The following SPTBN5 variants were observed in gnomAD, a reference collection of about 807,000 sequenced individuals.
SPTBN5 encodes spectrin beta chain, non-erythrocytic 5.
A neutral mutation model predicts 477.6 loss-of-function variants in SPTBN5; 513 were observed. The ratio of observed to expected loss-of-function variants is 1.07; its 90% CI spans 1.00 to 1.16. SPTBN5 has a LOEUF of 1.16. Ranked by LOEUF, SPTBN5 falls within the 50% of genes most tolerant of loss-of-function variation. SPTBN5 has a pLI of 0.00. For synonymous variants in SPTBN5, 2,169 were observed against 2,011.7 expected (o/e 1.08, Z -2.09); for missense variants, 5,062 against 4,731.8 (o/e 1.07, Z -2.05).
intron 53 of SPTBN5, 112 bp downstream of exon 53, chr15:41,856,274 T>G (rs2065926529): frequency 1.0e-6 from 1 of 963,494 alleles, no homozygotes; most frequent in Non-Finnish European, 1.5e-6. Context: ...AGGAGACCAC[T>G]GAGTGGAGGA....
At position 41,887,403 on chromosome 15, in the gene SPTBN5, C is replaced by T. The variant is rs192622598; in HGVS notation, c.698G>A (p.Arg233His). Reference sequence around the variant, plus strand: ...AGCAAAAGCAAGGTTGTGCAGTGGGCGGTCTGGACGCAGGGAGCCGTAGTC... The same window carrying T: ...AGCAAAAGCAAGGTTGTGCAGTGGGTGGTCTGGACGCAGGGAGCCGTAGTC... ...LLDYGSLRPD[R>H]PLHNLAFAFL... The change falls in exon 6 of 68, where the codon CGC (arginine) becomes CAC (histidine). Residue 233 changes from arginine to histidine, a missense_variant. By Grantham distance (29) the Arg-to-His change is conservative. Coordinates refer to ENST00000320955, the MANE Select transcript of SPTBN5 (RefSeq NM_016642.4). 41 of 1,553,762 alleles carry T rather than the reference C, an allele frequency of 2.6e-5. No homozygotes were observed. Among genetic ancestry groups the T allele is most frequent in the East Asian group, 1.2e-4 (5 of 41,198 alleles).
intron 52 of SPTBN5, 96 bp from the exon 53 acceptor site, chr15:41,856,694 C>T: frequency 7.3e-7 from 1 of 1,379,172 alleles, no homozygotes; most frequent in Non-Finnish European, 9.7e-7. Context: ...CTAACTTGTC[C>T]CCAAGGAGTT....
chr15:41,852,244 G>C lies in SPTBN5; in HGVS notation c.10522C>G (p.Gln3508Glu). ...CCCTGGTGTCCAGAGGGCCTCCACT[G>C]AAAGGATGTCAGCGAGCTGCCAGCT... is the stretch of plus-strand genomic sequence containing the variant. ...GRAGSSLTSF[Q>E]WRPSGHQGLG... The change falls in exon 62 of 68, where the codon CAG (glutamine) becomes GAG (glutamate). Residue 3508 changes from glutamine to glutamate, a missense_variant. By Grantham distance (29) the Gln-to-Glu change is conservative (BLOSUM62 2). Coordinates refer to ENST00000320955, the MANE Select transcript of SPTBN5 (RefSeq NM_016642.4). 6.2e-7 allele frequency: 1 copy of C among 1,611,194 alleles called. No homozygotes were observed. Among genetic ancestry groups the C allele is most frequent in the Non-Finnish European group, 8.5e-7 (1 of 1,178,780 alleles).
chr15:41,851,444 ATG>A, intron 63 of SPTBN5, 75 bp from the exon 64 acceptor site: 2 of 1,079,048 alleles, frequency 1.9e-6, no homozygotes, highest in Non-Finnish European at 2.7e-6. Context: ...ACGCCTCACC[ATG>A]TGTGTGGAGC....
Position 41,849,906 on chromosome 15 carries a change from A to G in SPTBN5, c.10975T>C (p.Cys3659Arg), listed in dbSNP as rs759178053. ...KAKPVSSLNECTTKDARPGCL... is the reference protein window; with the variant it reads ...KAKPVSSLNERTTKDARPGCL... ...CCAGGCCGGGCATCCTTGGTCGTGC[A>G]CTCATTCAGAGAGCTGACAGGTTTG... The change falls in exon 67 of 68, where the codon TGC becomes CGC. Residue 3659 changes from cysteine (C) to arginine (R), a missense_variant. Physicochemically the swap from Cys to Arg is radical, Grantham distance 180. Transcript: ENST00000320955. 15 of 1,594,600 alleles carry G rather than the reference A, an allele frequency of 9.4e-6. No homozygotes were observed. In the Admixed American group the frequency reaches 1.2e-4, roughly 13 times the overall value.
At position 41,881,159 on chromosome 15, in the gene SPTBN5, C is replaced by G; in HGVS notation, c.2533G>C (p.Gly845Arg). The change falls in exon 13 of 68, where the codon GGC becomes CGC. Residue 845 changes from glycine to arginine, a missense_variant. Transcript: ENST00000320955. ...GPWSEASCHP[G>R]PGDAWKMALP... ...GCCATCTTCCAGGCATCCCCAGGGC[C>G]AGGGTGGCAGGAAGCCTCACTCCAG... 3 of 1,613,548 alleles carry G rather than the reference C, an allele frequency of 1.9e-6. No homozygotes were observed. Among genetic ancestry groups the G allele is most frequent in the Non-Finnish European group, 2.5e-6 (3 of 1,179,860 alleles).
At position 41,875,465 on chromosome 15, in the gene SPTBN5, T is replaced by C. The variant is rs775062541; in HGVS notation, c.4280A>G (p.Gln1427Arg). 1 of 1,611,930 alleles carries C rather than the reference T, an allele frequency of 6.2e-7. No individual in the cohort carries two copies. Among genetic ancestry groups the C allele is most frequent in the Non-Finnish European group, 8.5e-7 (1 of 1,179,418 alleles). The change falls in exon 22 of 68, where the codon CAG becomes CGG. Residue 1427 changes from glutamine to arginine, a missense_variant. Coordinates refer to ENST00000320955, the MANE Select transcript of SPTBN5 (RefSeq NM_016642.4). The stretch of plus-strand genomic sequence containing the variant: ...TCCCTCTTCCCAGTGGACCTGCAGC[T>C]GCCTCAGGAGTTGCTCCTGCTGTCC... ...QAGQQEQLLR[Q>R]LQDAKEQLEQ...
At chr15:41,856,075 G>GT (rs1396728979) in intron 53 of SPTBN5, among the ~76,000 whole-genome samples, 4 of 152,204 alleles carry the variant, frequency 2.6e-5, no homozygotes, top group Non-Finnish European at 5.9e-5. Flanking sequence ...TTTTACTTCA[G>GT]TTTTTCTTCC....
intron 1 of SPTBN5, 82 bp from the exon 2 acceptor site, chr15:41,893,628 G>C: frequency 4.9e-6 from 7 of 1,426,424 alleles, no homozygotes; most frequent in Middle Eastern, 2.6e-4. Context: ...TTGCCAGACT[G>C]TCCTCACATT....
At position 41,855,263 on chromosome 15, in the gene SPTBN5, G is replaced by C; in HGVS notation, c.9384C>G (p.Ala3128=). Residue 3128 remains alanine, a synonymous_variant, in exon 55 of 68, where the codon GCC becomes GCG. Transcript: ENST00000320955. ...DAWLTTKAAT[A]ESQDYGQDLE... ...GGTCCTGCCCGTAGTCCTGGGACTC[G>C]GCGGTGGCCGCCTTGGTGGTCAGCC... The C allele has an allele frequency of 1.2e-6, 2 of 1,612,424 alleles. No individual in the cohort carries two copies. Among genetic ancestry groups the C allele is most frequent in the Non-Finnish European group, 8.5e-7 (1 of 1,179,694 alleles).
rs2066076818 is a variant in SPTBN5 at position 41,860,733 on chromosome 15, A to C, written c.7841T>G (p.Leu2614Arg). 1 of 1,598,296 alleles carries C rather than the reference A, an allele frequency of 6.3e-7. No homozygotes were observed. The highest frequency in any genetic ancestry group is 8.5e-7 in the Non-Finnish European group (1 of 1,173,318). ...LWDPLAPMEP[L>R]LWKHKMLEWD... ...CTCCAGCATCTTGTGCTTCCACAGA[A>C]GGGGCTCCATGGGGGCCAAGGGGTC... Residue 2614 changes from leucine to arginine, a missense_variant, in exon 47 of 68, where the codon CTT becomes CGT. Transcript: ENST00000320955.
rs1289407851 is a variant in SPTBN5 at position 41,857,628 on chromosome 15, C to T, written c.8309G>A (p.Gly2770Asp). Residue 2770 changes from glycine (G) to aspartate (D), a missense_variant, in exon 50 of 68, where the codon GGT becomes GAT. Transcript: ENST00000320955. ...ERLEELGALW[G>D]ELQDNSQKKV... ...CTTCTGGGAGTTGTCTTGCAGCTCACCCCAGAGTGCTCCCAGCTCCTCCAG... is the reference window on the plus strand; with the variant it reads ...CTTCTGGGAGTTGTCTTGCAGCTCATCCCAGAGTGCTCCCAGCTCCTCCAG... 1 of 1,603,266 alleles carries T rather than the reference C, an allele frequency of 6.2e-7. No individual in the cohort carries two copies. The highest frequency in any genetic ancestry group is 1.7e-5 in the Admixed American group (1 of 58,686).
rs1286320309 is a variant in SPTBN5, at chr15:41,869,866, C to T, written c.5828G>A (p.Arg1943His). ...CGCCGTGCGGAAGCGGGCCAGGAGG[C>T]GTGCCCGCTCCAGCTGGGCCCTGCG... ...EQRRAQLERARLLARFRTAVR... is the reference protein window; with the variant it reads ...EQRRAQLERAHLLARFRTAVR... Residue 1943 changes from arginine (R) to histidine (H), a missense_variant, in exon 32 of 68, where the codon CGC becomes CAC. Arg to His is a conservative substitution (Grantham distance 29). Transcript: ENST00000320955. 6.4e-6 allele frequency: 10 copies of T among 1,558,420 alleles called. No homozygotes were observed. The highest frequency in any genetic ancestry group is 2.3e-4 in the Middle Eastern group (1 of 4,342).
chr15:41,853,778 C>T lies in SPTBN5; in HGVS notation c.9784G>A (p.Glu3262Lys), dbSNP rs201453418. ...QQHRRLEREL[E>K]AMEKEVARLQ... The stretch of plus-strand genomic sequence containing the variant: ...CGTGCCACCTCCTTCTCCATAGCTT[C>T]CAGCTCTCTCTGCAACCAGAGCATG... The change falls in exon 58 of 68, where the codon GAA becomes AAA. Residue 3262 changes from glutamate (E) to lysine (K), a missense_variant. Glu to Lys is a moderately conservative substitution (Grantham distance 56). Transcript: ENST00000320955. 296 of 1,564,312 alleles carry T rather than the reference C, an allele frequency of 1.9e-4. No homozygotes were observed. The highest frequency in any genetic ancestry group is 2.4e-4 in the Non-Finnish European group (278 of 1,154,304).
intron 31 of SPTBN5, 42 bp downstream of exon 31, chr15:41,870,201 G>T (rs2066485081): frequency 1.3e-6 from 2 of 1,526,844 alleles, no homozygotes; most frequent in Admixed American, 2.0e-5. Context: ...GCCTGAGGGG[G>T]CTGCAGGGGC....
At chr15:41,882,903 C>T in intron 9 of SPTBN5, 93 bp downstream of exon 9, 1 of 1,388,650 alleles carries the variant, frequency 7.2e-7, no homozygotes, top group South Asian at 1.3e-5. Flanking sequence ...GTGGAGAAAA[C>T]TGGCAGGCCA....
chr15:41,857,065 G>A lies in SPTBN5; in HGVS notation c.8622-26C>T, dbSNP rs1209220493. 5 of 1,585,118 alleles carry A rather than the reference G, an allele frequency of 3.2e-6. No homozygotes were observed. In the Admixed American group the frequency reaches 5.4e-5, roughly 17 times the overall value. ...CTGCAGCGGTGGAGGGTGGGACCAA[G>A]GGAGGCAGGGACCAGGGTGTCAGTA... On this transcript the variant is annotated intron_variant, in intron 51 of 67. Coordinates refer to ENST00000320955, the MANE Select transcript of SPTBN5 (RefSeq NM_016642.4).
chr15:41,852,735 G>A lies in SPTBN5; in HGVS notation c.10348C>T (p.His3450Tyr). The A allele has an allele frequency of 6.2e-7, 1 of 1,612,902 alleles. No homozygotes were observed. Among genetic ancestry groups the A allele is most frequent in the East Asian group, 2.2e-5 (1 of 44,900 alleles). Residue 3450 changes from histidine (H) to tyrosine (Y), a missense_variant and splice_region_variant, in exon 61 of 68, where the codon CAC (histidine) becomes TAC (tyrosine). Physicochemically the swap from His to Tyr is moderately conservative, Grantham distance 83. Coordinates refer to ENST00000320955, the MANE Select transcript of SPTBN5 (RefSeq NM_016642.4). Reference sequence around the variant, plus strand: ...AGCAACTCCACATCTGACACTGAGTGCTGGGGAGAAGCATGTTCAGGTGAC... The same window carrying A: ...AGCAACTCCACATCTGACACTGAGTACTGGGGAGAAGCATGTTCAGGTGAC... ...EGLLLKPDYG[H>Y]SVSDVELLLH... is the part of the protein sequence containing the mutation.
chr15:41,866,130 T>C lies in SPTBN5; in HGVS notation c.6730A>G (p.Met2244Val), dbSNP rs768940676. 1.3e-5 allele frequency: 21 copies of C among 1,559,196 alleles called. No individual in the cohort carries two copies. Among genetic ancestry groups the C allele is most frequent in the Non-Finnish European group, 1.6e-5 (18 of 1,152,546 alleles). The change falls in exon 38 of 68, where the codon ATG becomes GTG. Residue 2244 changes from methionine to valine, a missense_variant. Coordinates refer to ENST00000320955, the MANE Select transcript of SPTBN5 (RefSeq NM_016642.4). ...RKHWEDLRQAMALRGQELEDR... is the reference protein window; with the variant it reads ...RKHWEDLRQAVALRGQELEDR... The stretch of plus-strand genomic sequence containing the variant: ...TCCAGCTCCTGGCCCCTGAGGGCCA[T>C]TGCCTGCCTCAGGTCCTCCCAGTGC...
Sources: allele counts gnomAD v4.1 joint callset (sites outside exome capture counted in the v4.1 genomes callset), GRCh38; gene constraint gnomAD v4.1.1; transcripts MANE v1.5; gene names NCBI Gene and HGNC (gene_info 2026-07-23, HGNC 2026-07-21).